DAB1: variants seen among roughly 807,000 people sequenced by gnomAD.
DAB1 encodes disabled homolog 1.
In DAB1, 15 loss-of-function variants were observed where a neutral mutation model predicts 64.6. The observed-to-expected ratio is 0.23, with a 90% CI of 0.16 to 0.36. The LOEUF (loss-of-function observed/expected upper bound fraction) is 0.36. Among genes scored for constraint, DAB1 ranks in the 10% least tolerant of loss-of-function variants. DAB1 has a pLI of 1.00. For synonymous variants in DAB1, 235 were observed against 251.9 expected (o/e 0.93, Z 0.64); for missense variants, 596 against 706.7 (o/e 0.84, Z 1.78).
chr1:58,349,434 TTTATTATTA>T (rs67406013), intron 3 of DAB1, among the ~76,000 whole-genome samples: 1 of 150,476 alleles, frequency 6.6e-6, no homozygotes, highest in African/African-American at 2.4e-5. Context: ...CTTGGCTCCT[TTTATTATTA>T]TTATTATTAT....
intron 7 of DAB1, among the ~76,000 whole-genome samples, chr1:57,464,935 C>T (rs530164259): frequency 2.2e-4 from 34 of 151,374 alleles, no homozygotes; most frequent in Admixed American, 6.6e-4. Flanking sequence ...ATAACAAAGG[C>T]GTTTGTTAAC....
intron 2 of DAB1, among the ~76,000 whole-genome samples, chr1:57,283,951 C>T (rs898598156): frequency 3.3e-5 from 5 of 152,140 alleles, no homozygotes; most frequent in African/African-American, 1.2e-4. Flanking sequence ...ATGTCAACTT[C>T]CAGAGAAGTT....
chr1:58,398,985 C>A (rs1412034425), intron 3 of DAB1, among the ~76,000 whole-genome samples: 1 of 152,170 alleles, frequency 6.6e-6, no homozygotes, highest in Non-Finnish European at 1.5e-5. Flanking sequence ...AGGCAGTGAA[C>A]TGCTTAGTAA....
At chr1:57,654,340 G>T (rs1223122593) in intron 6 of DAB1, among the ~76,000 whole-genome samples, 1 of 152,150 alleles carries the variant, frequency 6.6e-6, no homozygotes, top group Non-Finnish European at 1.5e-5. Context: ...CCATTTTAAA[G>T]GAGGTAGTTA....
At chr1:57,308,857 A>T (rs1674420156) in intron 1 of DAB1, among the ~76,000 whole-genome samples, 2 of 152,152 alleles carry the variant, frequency 1.3e-5, no homozygotes, top group Non-Finnish European at 2.9e-5. Context: ...AATGGCTGTA[A>T]CCAAGCTAAG....
intron 7 of DAB1, among the ~76,000 whole-genome samples, chr1:57,552,264 C>T (rs1379916733): frequency 6.6e-6 from 1 of 152,144 alleles, no homozygotes; most frequent in Non-Finnish European, 1.5e-5. Flanking sequence ...TAACTTAAAT[C>T]CAGTTGAGGT....
intron 6 of DAB1, among the ~76,000 whole-genome samples, chr1:57,721,092 A>G (rs1306622387): frequency 6.6e-6 from 1 of 152,098 alleles, no homozygotes; most frequent in Non-Finnish European, 1.5e-5. Context: ...TTGGCTCTTG[A>G]TTTCTGACCT....
chr1:57,277,872 G>T (rs1039768169), intron 2 of DAB1, among the ~76,000 whole-genome samples: 2 of 152,150 alleles, frequency 1.3e-5, no homozygotes, highest in African/African-American at 4.8e-5. Flanking sequence ...TCCAGTGCAA[G>T]TCCCAGCATG....
chr1:57,936,558 AT>A (rs954668130), intron 5 of DAB1, among the ~76,000 whole-genome samples: 3 of 151,038 alleles, frequency 2.0e-5, no homozygotes, highest in Non-Finnish European at 4.4e-5. Context: ...CGCCCAGCTA[AT>A]TTTTTTTTCT....
At chr1:57,142,574 A>AGCACTT (rs1169124348) in intron 3 of DAB1, among the ~76,000 whole-genome samples, 3 of 150,468 alleles carry the variant, frequency 2.0e-5, no homozygotes, top group Middle Eastern at 6.8e-3. Context: ...ATAAGAGGTG[A>AGCACTT]CAGATGGAGC....
intron 7 of DAB1, among the ~76,000 whole-genome samples, chr1:57,483,178 T>A (rs1160487898): frequency 6.6e-6 from 1 of 152,226 alleles, no homozygotes; most frequent in Admixed American, 6.5e-5. Flanking sequence ...ATTGATCTTA[T>A]AACATGTATT....
chr1:57,735,609 GTTTTT>G (rs59456674), intron 6 of DAB1, among the ~76,000 whole-genome samples: 2 of 95,194 alleles, frequency 2.1e-5, no homozygotes, highest in African/African-American at 4.2e-5. Flanking sequence ...CTGTTTGCTT[GTTTTT>G]TTTTTTTTTT....
intron 4 of DAB1, among the ~76,000 whole-genome samples, chr1:58,201,717 T>A (rs948667084): frequency 2.0e-5 from 3 of 152,242 alleles, no homozygotes; most frequent in Non-Finnish European, 4.4e-5. Context: ...TGAACTGATA[T>A]CCGATCTCCT....
Position 57,121,683 on chromosome 1 carries a change from C to T in DAB1, c.306+14860G>A, listed in dbSNP as rs551621663. ...CCTAGGTTTTCTTCTAGGGTTTTTA[C>T]GGTTTTGGATTTTACATTTAAGTCT... is the stretch of plus-strand genomic sequence containing the variant. On this transcript the variant is annotated intron_variant, in intron 4 of 14. Coordinates refer to ENST00000371236, the MANE Select transcript of DAB1 (RefSeq NM_001365792.1). Among the ~76,000 whole-genome samples the T allele has an allele frequency of 6.2e-4, 94 of 151,964 alleles. 1 individual carries two copies. Among genetic ancestry groups the T allele is most frequent in the Non-Finnish European group, 2.5e-4 (17 of 67,940 alleles).
rs115025727 is a variant in DAB1 at position 57,381,096 on chromosome 1, G to T, written c.-137+42834C>A. Among the ~76,000 whole-genome samples, 641 of 152,108 alleles carry T rather than the reference G, an allele frequency of 4.2e-3. 5 individuals carry two copies. The highest frequency in any genetic ancestry group is 7.1e-3 in the Non-Finnish European group (482 of 68,008). On this transcript the variant is annotated intron_variant, in intron 1 of 14. Coordinates refer to ENST00000371236, the MANE Select transcript of DAB1 (RefSeq NM_001365792.1). ...TCATGTTTCCCTGTCATTCCCAAAG[G>T]GCCGTTTCTACATGGCAGGCTAATC...
At chr1:57,734,490 A>G (rs1386848489) in intron 6 of DAB1, among the ~76,000 whole-genome samples, 4 of 152,244 alleles carry the variant, frequency 2.6e-5, no homozygotes, top group Non-Finnish European at 5.9e-5. Context: ...GCCAACTCTG[A>G]CAACTTCAGT....
chr1:58,041,675 C>T (rs1647138392), intron 5 of DAB1, among the ~76,000 whole-genome samples: 1 of 152,202 alleles, frequency 6.6e-6, no homozygotes, highest in African/African-American at 2.4e-5. Flanking sequence ...ACACACCACC[C>T]TCAAAGAAGG....
At chr1:58,372,855 G>A (rs1644279486) in intron 3 of DAB1, among the ~76,000 whole-genome samples, 1 of 152,088 alleles carries the variant, frequency 6.6e-6, no homozygotes, top group African/African-American at 2.4e-5. Context: ...CATCATGATT[G>A]CAAGTTTCCT....
chr1:57,985,751 T>C (rs762043988), intron 5 of DAB1, among the ~76,000 whole-genome samples: 47 of 152,078 alleles, frequency 3.1e-4, no homozygotes, highest in Non-Finnish European at 1.8e-4. Flanking sequence ...TCTTGTGACC[T>C]AATAGCGGAG....
Sources: allele counts gnomAD v4.1 joint callset (sites outside exome capture counted in the v4.1 genomes callset), GRCh38; gene constraint gnomAD v4.1.1; transcripts MANE v1.5; gene names NCBI Gene and HGNC (gene_info 2026-07-23, HGNC 2026-07-21).